The following PIK3CD variants were observed in gnomAD, a reference collection of about 807,000 sequenced individuals.
The protein encoded by PIK3CD is phosphatidylinositol-4,5-bisphosphate 3-kinase catalytic subunit delta, also known as phosphatidylinositol 4,5-bisphosphate 3-kinase catalytic subunit delta isoform.
In PIK3CD, 20 loss-of-function variants were observed where a neutral mutation model predicts 122.9. That is an observed-to-expected ratio of 0.16 (90% CI 0.11 to 0.24). The LOEUF is 0.24. PIK3CD is among the 10% of genes least tolerant of loss of function. The probability of loss-of-function intolerance (pLI) is 1.00; values close to 1 mark genes in which losing one functional copy is unlikely to be tolerated. For synonymous variants in PIK3CD, 596 were observed against 593.4 expected (o/e 1.00, Z -0.06); for missense variants, 787 against 1,406.3 (o/e 0.56, Z 7.04).
At chr1:9,663,804 A>G (rs1056885157) in intron 1 of PIK3CD, among the ~76,000 whole-genome samples, 3 of 137,308 alleles carry the variant, frequency 2.2e-5, no homozygotes, top group African/African-American at 5.6e-5. Context: ...TCATTGTTCA[A>G]TTCCCACCTA....
At chr1:9,703,841 A>G (rs1227917745) in intron 2 of PIK3CD, among the ~76,000 whole-genome samples, 1 of 152,160 alleles carries the variant, frequency 6.6e-6, no homozygotes, top group Non-Finnish European at 1.5e-5. Context: ...GTGTCTTTTG[A>G]TAAATATACA....
chr1:9,666,850 C>T (rs1253754404), intron 1 of PIK3CD, among the ~76,000 whole-genome samples: 5 of 149,708 alleles, frequency 3.3e-5, no homozygotes, highest in East Asian at 3.9e-4. Flanking sequence ...TACAGGCTTG[C>T]GCCACCATGC....
At chr1:9,708,045 C>T (rs958595631) in intron 2 of PIK3CD, among the ~76,000 whole-genome samples, 18 of 152,118 alleles carry the variant, frequency 1.2e-4, no homozygotes, top group South Asian at 8.3e-4. Context: ...CCACTCGCCT[C>T]GGCCTCCCAA....
the PIK3CD span, among the ~76,000 whole-genome samples, chr1:9,641,254 C>T: frequency 6.6e-6 from 1 of 152,120 alleles, no homozygotes; most frequent in Non-Finnish European, 1.5e-5. Context: ...TTGCAAAGCC[C>T]GGGTCACCTC....
intron 1 of PIK3CD, among the ~76,000 whole-genome samples, chr1:9,673,413 C>T (rs190874479): frequency 2.0e-4 from 30 of 152,240 alleles, no homozygotes; most frequent in Non-Finnish European, 3.4e-4. Flanking sequence ...TCGTGCACAA[C>T]GCCACATCTG....
chr1:9,720,075 G>GTC lies in PIK3CD; in HGVS notation c.1340-36_1340-35dup. ...GAGTGTGAGGGTCCCAGAGATGCTG[G>GTC]TCACCCCTCTACAACTTCATCTGCC... On this transcript the variant is annotated intron_variant, in intron 10 of 23. Transcript: ENST00000377346. This position sits in a 1 kb window ranked among gnomAD's most constrained non-coding sequence, Gnocchi z 9.0. 6.2e-7 allele frequency: 1 copy of GTC among 1,613,342 alleles called. No homozygotes were observed. The highest frequency in any genetic ancestry group is 8.5e-7 in the Non-Finnish European group (1 of 1,179,998).
chr1:9,664,650 C>G (rs557337664), intron 1 of PIK3CD, among the ~76,000 whole-genome samples: 5 of 152,292 alleles, frequency 3.3e-5, no homozygotes, highest in African/African-American at 9.6e-5. Flanking sequence ...AGCCACCACC[C>G]CAGCAGCTCT....
the PIK3CD span, among the ~76,000 whole-genome samples, chr1:9,633,757 G>C: frequency 6.6e-6 from 1 of 152,158 alleles, no homozygotes. Flanking sequence ...CGTCTGGCTT[G>C]GGATAGAAAG....
At position 9,710,231 on chromosome 1, in the gene PIK3CD, G is replaced by C. The variant is rs568000868; in HGVS notation, c.-32-193G>C. 103 of 585,498 alleles carry C rather than the reference G, an allele frequency of 1.8e-4. No individual in the cohort carries two copies. The African/African-American group carries it at 1.8e-3, about 10-fold the overall frequency. The allele number at this position is 585,498 out of a possible 1,614,324, so 36.3% of individuals were successfully genotyped here. The stretch of plus-strand genomic sequence containing the variant: ...AAGAGGCAGCTGAGGCCGTGGCCCG[G>C]AGTAGTAGGAGCCACAAGCCACCCT... On this transcript the variant is annotated intron_variant, in intron 2 of 23. Transcript: ENST00000377346. The surrounding 1 kb of genome is among the most constrained non-coding windows in gnomAD (Gnocchi z 4.7).
At chr1:9,699,670 C>T (rs1382440203) in intron 2 of PIK3CD, among the ~76,000 whole-genome samples, 2 of 151,976 alleles carry the variant, frequency 1.3e-5, no homozygotes, top group Non-Finnish European at 2.9e-5. Context: ...AATCTTGGCT[C>T]ACTGCAACCT....
At chr1:9,707,577 T>C (rs2100730334) in intron 2 of PIK3CD, among the ~76,000 whole-genome samples, 1 of 152,154 alleles carries the variant, frequency 6.6e-6, no homozygotes, top group African/African-American at 2.4e-5. Context: ...TGTGTTCTTA[T>C]TTAGCTCCCA....
At position 9,655,697 on chromosome 1, in the gene PIK3CD, C is replaced by CTTTTTT. The variant is rs576002642; in HGVS notation, c.-138+3908_-138+3913dup. Among the ~76,000 whole-genome samples the CTTTTTT allele has an allele frequency of 1.7e-3, 200 of 120,722 alleles. 3 individuals are homozygous for CTTTTTT. Among genetic ancestry groups the CTTTTTT allele is most frequent in the Middle Eastern group, 8.8e-3 (2 of 226 alleles). 79.2% of individuals were successfully genotyped at this position (120,722 alleles called of 152,430 possible). A position where few individuals can be genotyped will look rare whatever the true frequency, so the allele number is the denominator to read the frequency against. ...CCTATTACTTTCTTTCTTTTTTCTT[C>CTTTTTT]TTTTTTTTTTTTTTTTTTGAGACGG... On this transcript the variant is annotated intron_variant, in intron 1 of 23. Transcript: ENST00000377346.
rs1646773732 is a variant in PIK3CD, at chr1:9,704,961, C to A, written c.-32-5463C>A. ...GATGTGCAGCTCTCGCTCCTCAGGGCAGCTGGGGTCCAGCTGACGGTGAGG... is the reference window on the plus strand; with the variant it reads ...GATGTGCAGCTCTCGCTCCTCAGGGAAGCTGGGGTCCAGCTGACGGTGAGG... On this transcript the variant is annotated intron_variant, in intron 2 of 23. Transcript: ENST00000377346. The surrounding 1 kb of genome is among the most constrained non-coding windows in gnomAD (Gnocchi z 5.0). Among the ~76,000 whole-genome samples the A allele has an allele frequency of 6.6e-6, 1 of 152,230 alleles. No individual in the cohort carries two copies. The highest frequency in any genetic ancestry group is 1.5e-5 in the Non-Finnish European group (1 of 68,038).
At chr1:9,639,506 C>T in the PIK3CD span, among the ~76,000 whole-genome samples, 8 of 152,182 alleles carry the variant, frequency 5.3e-5, no homozygotes, top group South Asian at 1.2e-3. Context: ...AGTAACTAAC[C>T]TCATTTTTAC....
In PIK3CD at chr1:9,707,356, T is replaced by C. The variant is rs551772962; in HGVS notation, c.-32-3068T>C. 1.5e-4 allele frequency among the ~76,000 whole-genome samples: 23 copies of C among 151,992 alleles called. No individual in the cohort carries two copies. The South Asian group carries it at 4.8e-3, about 32-fold the overall frequency. On this transcript the variant is annotated intron_variant, in intron 2 of 23. Transcript: ENST00000377346. ...TTTTTTTCCTTGAGTGTTACATTTT[T>C]CTTTTTTTTAATTTAACTTTTATTT...
In PIK3CD at chr1:9,710,696, GA is replaced by G. The variant is rs1280436177; in HGVS notation, c.141+101del. ...AGACAGACAGACAGATGGACAGGTG[GA>G]CAGACGGACAGACAGATGGACAGAT... On this transcript the variant is annotated intron_variant, in intron 3 of 23. Transcript: ENST00000377346. This position sits in a 1 kb window ranked among gnomAD's most constrained non-coding sequence, Gnocchi z 4.7. 6.3e-6 allele frequency: 8 copies of G among 1,264,394 alleles called. No homozygotes were observed. In the Admixed American group the frequency reaches 1.4e-4, roughly 22 times the overall value. The allele number at this position is 1,264,394 out of a possible 1,614,324, so 78.3% of individuals were successfully genotyped here.
chr1:9,671,250 C>A (rs1402007878), intron 1 of PIK3CD, among the ~76,000 whole-genome samples: 3 of 152,242 alleles, frequency 2.0e-5, no homozygotes, highest in East Asian at 3.9e-4. Context: ...CAGGTTCATG[C>A]CATCACACCC....
At chr1:9,716,654 C>T in intron 6 of PIK3CD, 35 bp downstream of exon 6, 3 of 1,544,306 alleles carry the variant, frequency 1.9e-6, no homozygotes, top group Admixed American at 2.0e-5. Context: ...CTCTGGGCTC[C>T]CAACGCCCTG....
intron 1 of PIK3CD, among the ~76,000 whole-genome samples, chr1:9,678,443 G>T (rs1457997814): frequency 6.6e-6 from 1 of 152,120 alleles, no homozygotes; most frequent in Non-Finnish European, 1.5e-5. Flanking sequence ...GACAGAGCCA[G>T]ACCCTGTCTC....
Sources: gnomAD v4.1 joint callset for allele counts (sites outside exome capture counted in the v4.1 genomes callset) on GRCh38, gnomAD v4.1.1 for gene constraint, Gnocchi (gnomAD v3.1) non-coding constraint, MANE v1.5 for transcripts, NCBI Gene and HGNC (gene_info 2026-07-23, HGNC 2026-07-21) for gene names.